LRP1B: variants seen among roughly 807,000 people sequenced by gnomAD.
LRP1B encodes the protein LDL receptor related protein 1B.
LRP1B carries 217 observed loss-of-function variants against 556.6 expected under a neutral mutation model. The ratio of observed to expected loss-of-function variants is 0.39; its 90% confidence interval spans 0.35 to 0.44. LRP1B has a LOEUF of 0.44. LRP1B is among the 20% of genes least tolerant of loss of function. The pLI, the probability that LRP1B is intolerant of heterozygous loss-of-function variation, is 1.00. For missense variants in LRP1B, 5,053 were observed against 5,620.8 expected (o/e 0.90, Z 3.23); for synonymous variants, 2,047 against 1,865.8 (o/e 1.10, Z -2.50).
chr2:141,987,562 TTC>T lies in LRP1B; in HGVS notation c.82+143084_82+143085del, dbSNP rs1491312963. 5.1e-3 allele frequency among the ~76,000 whole-genome samples: 749 copies of T among 146,882 alleles called. 7 individuals carry two copies. Among genetic ancestry groups the T allele is most frequent in the African/African-American group, 0.018 (727 of 40,368 alleles). ...CTGATTTAAGCTGTTTTTTTTTTTTTTCTTTCTTTTTTCTTTTTCTCTCTTTG... is the reference window on the plus strand; with the variant it reads ...CTGATTTAAGCTGTTTTTTTTTTTTTTTTCTTTTTTCTTTTTCTCTCTTTG... On this transcript the variant is annotated intron_variant, in intron 1 of 90. Coordinates refer to ENST00000389484, the MANE Select transcript of LRP1B (RefSeq NM_018557.3).
chr2:140,657,586 C>CATATAT (rs55724105), intron 41 of LRP1B, among the ~76,000 whole-genome samples: 72,412 of 144,828 alleles, frequency 0.5, 20,783 homozygotes, highest in Non-Finnish European at 0.64. Context: ...CATATATATA[C>CATATAT]ATACATACAT....
chr2:140,687,056 G>A (rs1404410176), intron 41 of LRP1B, among the ~76,000 whole-genome samples: 3 of 152,144 alleles, frequency 2.0e-5, no homozygotes, highest in Non-Finnish European at 4.4e-5. Context: ...CAGATGTGAT[G>A]TAAACAGATT....
At chr2:141,489,892 A>T (rs1683266557) in intron 2 of LRP1B, among the ~76,000 whole-genome samples, 2 of 152,156 alleles carry the variant, frequency 1.3e-5, no homozygotes, top group African/African-American at 4.8e-5. Context: ...ATTCATATGC[A>T]CTCAATACTA....
chr2:140,336,128 T>A (rs1681083912), intron 77 of LRP1B, among the ~76,000 whole-genome samples: 1 of 151,930 alleles, frequency 6.6e-6, no homozygotes, highest in African/African-American at 2.4e-5. Flanking sequence ...CTTCCTGCAG[T>A]CAATATTTTC....
chr2:141,182,903 A>G (rs1681067679), intron 7 of LRP1B, among the ~76,000 whole-genome samples: 1 of 151,994 alleles, frequency 6.6e-6, no homozygotes, highest in Non-Finnish European at 1.5e-5. Context: ...GTCAAAATGT[A>G]AATAAGCATT....
chr2:141,247,565 G>A (rs1306741486), intron 4 of LRP1B, among the ~76,000 whole-genome samples: 1 of 152,120 alleles, frequency 6.6e-6, no homozygotes, highest in Non-Finnish European at 1.5e-5. Context: ...ATCAAATCAT[G>A]TATTTTAAAA....
intron 6 of LRP1B, among the ~76,000 whole-genome samples, chr2:141,224,190 C>T (rs1341306564): frequency 6.6e-6 from 1 of 151,866 alleles, no homozygotes; most frequent in Admixed American, 6.6e-5. Flanking sequence ...GAGCAAAGGA[C>T]ATGAACAAAC....
At chr2:141,906,867 T>C (rs1034643161) in intron 1 of LRP1B, among the ~76,000 whole-genome samples, 6 of 152,028 alleles carry the variant, frequency 3.9e-5, no homozygotes, top group East Asian at 1.9e-4. Context: ...CGTTAGAACA[T>C]GCCCAGTGGC....
At chr2:140,907,439 C>T (rs1694289417) in intron 22 of LRP1B, among the ~76,000 whole-genome samples, 1 of 151,920 alleles carries the variant, frequency 6.6e-6, no homozygotes, top group African/African-American at 2.4e-5. Flanking sequence ...GCTTTATTAT[C>T]CAGTCTCTTT....
intron 2 of LRP1B, among the ~76,000 whole-genome samples, chr2:141,525,885 C>A (rs1460583796): frequency 2.6e-5 from 4 of 151,816 alleles, no homozygotes; most frequent in Non-Finnish European, 4.4e-5. Context: ...CAAAAAATAT[C>A]GTTTATTTGA....
At position 140,720,304 on chromosome 2, in the gene LRP1B, T is replaced by C. The variant is rs563489207; in HGVS notation, c.5759-3488A>G. ...CTTAAGACATATGGTAATTTGGTAA[T>C]GTATAATATAATTACAGGATTGTAA... is the stretch of plus-strand genomic sequence containing the variant. On this transcript the variant is annotated intron_variant, in intron 35 of 90. Coordinates refer to ENST00000389484, the MANE Select transcript of LRP1B (RefSeq NM_018557.3). Among the ~76,000 whole-genome samples, 11 of 152,132 alleles carry C rather than the reference T, an allele frequency of 7.2e-5. No homozygotes were observed. In the South Asian group the frequency reaches 1.4e-3, roughly 20 times the overall value.
chr2:140,311,827 T>C (rs1368329255), intron 83 of LRP1B, among the ~76,000 whole-genome samples: 1 of 151,914 alleles, frequency 6.6e-6, no homozygotes, highest in Admixed American at 6.6e-5. Flanking sequence ...AGATGGGCAG[T>C]TTAAATGAAT....
chr2:140,818,254 T>C (rs769948136), intron 31 of LRP1B, among the ~76,000 whole-genome samples: 9 of 152,138 alleles, frequency 5.9e-5, no homozygotes, highest in Non-Finnish European at 8.8e-5. Context: ...TACACAGGTA[T>C]AATAAATATA....
intron 1 of LRP1B, among the ~76,000 whole-genome samples, chr2:141,846,380 G>A (rs952169613): frequency 6.6e-6 from 1 of 151,518 alleles, no homozygotes; most frequent in Non-Finnish European, 1.5e-5. Flanking sequence ...CTTTGAAATG[G>A]CAATGAAAGC....
Position 140,495,643 on chromosome 2 carries a change from A to G in LRP1B, c.8956T>C (p.Tyr2986His), listed in dbSNP as rs370751086. ...GTACAGAGGCACTTGTAAGTCCCGT[A>G]TGTATTGATGCATTGCTGGCTACAG... ...FPCSQQCINT[Y>H]GTYKCLCTDG... is the part of the protein sequence containing the mutation. The change falls in exon 56 of 91, where the codon TAC becomes CAC. Residue 2986 changes from tyrosine to histidine, a missense_variant. By Grantham distance (83) the Tyr-to-His change is moderately conservative. Transcript: ENST00000389484. 20 of 1,613,932 alleles carry G rather than the reference A, an allele frequency of 1.2e-5. No individual in the cohort carries two copies. The highest frequency in any genetic ancestry group is 1.6e-4 in the Middle Eastern group (1 of 6,084).
chr2:140,910,295 TA>T (rs1694382644), intron 21 of LRP1B, among the ~76,000 whole-genome samples: 1 of 151,814 alleles, frequency 6.6e-6, no homozygotes, highest in African/African-American at 2.4e-5. Flanking sequence ...GTTGGCAATC[TA>T]AATAGCAGAG....
In LRP1B at chr2:140,810,282, G is replaced by A. The variant is rs16844804; in HGVS notation, c.5359+3375C>T. ...CAAACTTTCAGTTACTTATCATTCA[G>A]CACCTATGTAGCCTCTTTGGGGAAC... On this transcript the variant is annotated intron_variant, in intron 32 of 90. Coordinates refer to ENST00000389484, the MANE Select transcript of LRP1B (RefSeq NM_018557.3). 1.0e-2 allele frequency among the ~76,000 whole-genome samples: 1,518 copies of A among 152,148 alleles called. 22 individuals are homozygous for A. Among genetic ancestry groups the A allele is most frequent in the African/African-American group, 0.035 (1,472 of 41,512 alleles).
At chr2:141,822,835 A>G (rs1696799854) in intron 1 of LRP1B, among the ~76,000 whole-genome samples, 1 of 152,186 alleles carries the variant, frequency 6.6e-6, no homozygotes, top group Non-Finnish European at 1.5e-5. Context: ...TCCACCTACA[A>G]GCTGCGGATG....
At chr2:140,726,250 G>C (rs768697108) in intron 35 of LRP1B, among the ~76,000 whole-genome samples, 5 of 152,082 alleles carry the variant, frequency 3.3e-5, no homozygotes, top group Non-Finnish European at 7.4e-5. Context: ...GGTTGACTTG[G>C]TCTTCTATGG....
Sources: gnomAD v4.1 joint callset for allele counts (sites outside exome capture counted in the v4.1 genomes callset) on GRCh38, gnomAD v4.1.1 for gene constraint, MANE v1.5 for transcripts, NCBI Gene and HGNC (gene_info 2026-07-23, HGNC 2026-07-21) for gene names.